DACH2: variants seen among roughly 807,000 people sequenced by gnomAD.
The protein encoded by DACH2 is dachshund homolog 2.
Under a neutral mutation model 35.8 loss-of-function variants are expected in DACH2, and 17 were observed. The ratio of observed to expected loss-of-function variants is 0.48; its 90% CI spans 0.33 to 0.71. The LOEUF (loss-of-function observed/expected upper bound fraction) is 0.71. Among genes scored for constraint, DACH2 ranks in the 30% least tolerant of loss-of-function variants. The pLI, the probability that DACH2 is intolerant of heterozygous loss-of-function variation, is 0.02. For missense variants in DACH2, 469 were observed against 472.7 expected, an observed-to-expected ratio of 0.99 and a Z score of 0.07; for synonymous variants, 195 against 177.3, an observed-to-expected ratio of 1.10 and a Z score of -0.79.
At chrX:86,826,991 G>C (rs1183357177) in intron 11 of DACH2, among the ~76,000 whole-genome samples, 4 of 112,036 alleles carry the variant, frequency 3.6e-5, no homozygotes, top group Non-Finnish European at 7.5e-5. Context: ...AGAAAGGTTT[G>C]ATAGCCTAAA....
intron 3 of DACH2, among the ~76,000 whole-genome samples, chrX:86,638,438 A>G (rs2040305158): frequency 8.9e-6 from 1 of 112,131 alleles, no homozygotes; most frequent in Admixed American, 9.5e-5. Flanking sequence ...AATTTGGCAC[A>G]GAAAAAGAAA....
At position 86,717,247 on chromosome X, in the gene DACH2, C is replaced by T. The variant is rs189976844; in HGVS notation, c.1104+2527C>T. Among the ~76,000 whole-genome samples the T allele has an allele frequency of 1.1e-3, 127 of 111,164 alleles. 1 individual carries two copies. The highest frequency in any genetic ancestry group is 9.4e-3 in the Middle Eastern group (2 of 213). On this transcript the variant is annotated intron_variant, in intron 6 of 11. Coordinates refer to ENST00000373125, the MANE Select transcript of DACH2 (RefSeq NM_053281.3). Reference sequence around the variant, plus strand: ...TCATGCACCCTATTCCATCCCCTCACCTTTCCATTGTTTATCATTCCACAC... The same window carrying T: ...TCATGCACCCTATTCCATCCCCTCATCTTTCCATTGTTTATCATTCCACAC...
chrX:86,518,389 G>A (rs2038503151), intron 3 of DACH2, among the ~76,000 whole-genome samples: 1 of 111,419 alleles, frequency 9.0e-6, no homozygotes, highest in Admixed American at 9.6e-5. Context: ...GCTCTTTTTT[G>A]GTTCCAGATA....
chrX:86,411,036 A>ATATATATATATATATATATATATG (rs768655432), intron 2 of DACH2, among the ~76,000 whole-genome samples: 2,461 of 79,641 alleles, frequency 0.031, 125 homozygotes, highest in Non-Finnish European at 0.051. Flanking sequence ...ATATATATAT[A>ATATATATATATATATATATATATG]TATGTATATA....
At chrX:86,323,343 C>T (rs2035051829) in intron 1 of DACH2, among the ~76,000 whole-genome samples, 1 of 111,885 alleles carries the variant, frequency 8.9e-6, no homozygotes, top group Non-Finnish European at 1.9e-5. Flanking sequence ...GGAGTAACCT[C>T]CTACTCAACC....
intron 7 of DACH2, among the ~76,000 whole-genome samples, chrX:86,764,761 G>C (rs1473097927): frequency 9.0e-6 from 1 of 111,543 alleles, no homozygotes; most frequent in African/African-American, 3.3e-5. Flanking sequence ...TGAGATTACT[G>C]GTTCAAATGG....
At chrX:86,598,780 G>A (rs2039745642) in intron 3 of DACH2, among the ~76,000 whole-genome samples, 1 of 105,125 alleles carries the variant, frequency 9.5e-6, no homozygotes, top group South Asian at 4.5e-4. Flanking sequence ...CTTAGGGAGA[G>A]CTTCTTAGTT....
chrX:86,652,014 G>T (rs955169436), intron 4 of DACH2, among the ~76,000 whole-genome samples: 4 of 111,483 alleles, frequency 3.6e-5, no homozygotes, highest in African/African-American at 1.3e-4. Flanking sequence ...TGGGGGTTTG[G>T]TGTACATACT....
At chrX:86,372,198 G>A (rs2035896644) in intron 1 of DACH2, among the ~76,000 whole-genome samples, 3 of 110,920 alleles carry the variant, frequency 2.7e-5, no homozygotes, top group African/African-American at 9.8e-5. Flanking sequence ...ACTTGCTTTA[G>A]GTGCTATTCT....
Position 86,350,199 on chromosome X carries a change from C to T in DACH2, c.489-26625C>T, listed in dbSNP as rs1326685078. Among the ~76,000 whole-genome samples the T allele has an allele frequency of 7.3e-4, 12 of 16,373 alleles. 4 individuals are homozygous for T. The East Asian group carries it at 8.7e-3, about 12-fold the overall frequency. The allele number at this position is 16,373 out of a possible 115,157, so 14.2% of individuals were successfully genotyped here. A position where few individuals can be genotyped will look rare whatever the true frequency, so the allele number is the denominator to read the frequency against. On this transcript the variant is annotated intron_variant, in intron 1 of 11. Transcript: ENST00000373125. ...AAAACAAGTGTCTGTTCATGTCCTT[C>T]GCCCACTTTTTGATGGGGTTGTTTG...
chrX:86,664,299 G>A (rs762145172), intron 4 of DACH2, among the ~76,000 whole-genome samples: 14 of 111,354 alleles, frequency 1.3e-4, no homozygotes, highest in Admixed American at 2.9e-4. Context: ...TCAAGCAGTA[G>A]TAAATATTTC....
chrX:86,559,710 CT>C (rs2039178191), intron 3 of DACH2, among the ~76,000 whole-genome samples: 1 of 21,460 alleles, frequency 4.7e-5, no homozygotes, highest in African/African-American at 3.1e-4. Context: ...TTCTTTGTCT[CT>C]TTTGATCTTT....
intron 1 of DACH2, among the ~76,000 whole-genome samples, chrX:86,176,129 G>A (rs765729101): frequency 9.0e-6 from 1 of 111,318 alleles, no homozygotes; most frequent in East Asian, 2.8e-4. Flanking sequence ...AAGAGGGGCA[G>A]AAGAATTGAG....
At chrX:86,475,667 C>T (rs772864409) in intron 2 of DACH2, among the ~76,000 whole-genome samples, 1 of 111,653 alleles carries the variant, frequency 9.0e-6, no homozygotes, top group Admixed American at 9.5e-5. Context: ...AAACTGAATG[C>T]TCTTTATTTC....
At chrX:86,471,481 C>A (rs1161059248) in intron 2 of DACH2, among the ~76,000 whole-genome samples, 3 of 111,252 alleles carry the variant, frequency 2.7e-5, no homozygotes, top group Non-Finnish European at 5.7e-5. Flanking sequence ...TCCCTTTATG[C>A]AATTAGGAAT....
intron 7 of DACH2, among the ~76,000 whole-genome samples, chrX:86,781,576 A>T (rs955802484): frequency 3.6e-5 from 4 of 111,203 alleles, no homozygotes; most frequent in African/African-American, 1.3e-4. Flanking sequence ...AACTGTAGAA[A>T]CCCCAAAACC....
intron 1 of DACH2, among the ~76,000 whole-genome samples, chrX:86,161,660 T>C (rs946115711): frequency 1.8e-5 from 2 of 112,215 alleles, no homozygotes; most frequent in Non-Finnish European, 3.8e-5. Flanking sequence ...TTATATCCTG[T>C]CAAGAGCAGT....
At chrX:86,506,110 C>A (rs911319010) in intron 2 of DACH2, among the ~76,000 whole-genome samples, 2 of 111,749 alleles carry the variant, frequency 1.8e-5, no homozygotes, top group East Asian at 5.6e-4. Context: ...TCTGGATGGG[C>A]TTGACTGGGT....
At chrX:86,605,449 A>T (rs2039844714) in intron 3 of DACH2, among the ~76,000 whole-genome samples, 1 of 110,241 alleles carries the variant, frequency 9.1e-6, no homozygotes, top group African/African-American at 3.3e-5. Context: ...TAAAGATGTC[A>T]CCCATTTCTT....
Sources: allele counts gnomAD v4.1 joint callset (sites outside exome capture counted in the v4.1 genomes callset), GRCh38; gene constraint gnomAD v4.1.1; transcripts MANE v1.5; gene names NCBI Gene and HGNC (gene_info 2026-07-23, HGNC 2026-07-21).